The following HTR2C variants were observed in gnomAD, a reference collection of about 807,000 sequenced individuals.
HTR2C encodes the protein 5-hydroxytryptamine receptor 2C, also known as 5-hydroxytryptamine (serotonin) receptor 2C, G protein-coupled.
Under a neutral mutation model 21.0 loss-of-function variants are expected in HTR2C, and 5 were observed. That is an observed-to-expected ratio of 0.24 (90% CI 0.12 to 0.50). HTR2C has a LOEUF of 0.50. Ranked by LOEUF, HTR2C falls within the 20% of genes least tolerant of loss-of-function variation. The pLI is 0.98. For missense variants in HTR2C, 271 were observed against 371.2 expected (o/e 0.73, Z 2.22); for synonymous variants, 150 against 145.3 (o/e 1.03, Z -0.23).
intron 2 of HTR2C, among the ~76,000 whole-genome samples, chrX:114,726,539 T>TCC (rs1933494731): frequency 8.9e-6 from 1 of 112,548 alleles, no homozygotes; most frequent in South Asian, 3.7e-4. Context: ...TTGAGAAGTT[T>TCC]TTGAAGAATA....
chrX:114,803,715 G>T (rs1361105734), intron 4 of HTR2C, among the ~76,000 whole-genome samples: 3 of 104,761 alleles, frequency 2.9e-5, no homozygotes, highest in Non-Finnish European at 5.9e-5. Context: ...TTCTTTTGCT[G>T]TGCAGAAGCT....
intron 4 of HTR2C, among the ~76,000 whole-genome samples, chrX:114,745,522 T>A (rs1468674444): frequency 8.9e-6 from 1 of 112,118 alleles, no homozygotes; most frequent in African/African-American, 3.2e-5. Flanking sequence ...TGCAGCACTG[T>A]TCACAATAGC....
chrX:114,746,929 G>A (rs1014338742), intron 4 of HTR2C, among the ~76,000 whole-genome samples: 1 of 111,305 alleles, frequency 9.0e-6, no homozygotes, highest in Non-Finnish European at 1.9e-5. Flanking sequence ...AGCTTGCAGT[G>A]AGCCGAGATC....
chrX:114,642,979 A>G (rs1232532475), intron 2 of HTR2C, among the ~76,000 whole-genome samples: 2 of 111,283 alleles, frequency 1.8e-5, no homozygotes, highest in Admixed American at 9.7e-5. Flanking sequence ...AATCAAGAAA[A>G]AAATTCAACA....
intron 5 of HTR2C, among the ~76,000 whole-genome samples, chrX:114,867,662 C>A (rs782282899): frequency 5.4e-5 from 6 of 111,635 alleles, no homozygotes; most frequent in Middle Eastern, 4.6e-3. Flanking sequence ...AGTCTTTAAT[C>A]GATTTGATTT....
chrX:114,831,092 T>G (rs1276799049), intron 4 of HTR2C, among the ~76,000 whole-genome samples: 1 of 84,407 alleles, frequency 1.2e-5, no homozygotes, highest in Non-Finnish European at 2.3e-5. Flanking sequence ...TAATCCAGTC[T>G]ATCATTGTTG....
chrX:114,810,836 A>G (rs891418811), intron 4 of HTR2C, among the ~76,000 whole-genome samples: 3 of 109,627 alleles, frequency 2.7e-5, no homozygotes, highest in Admixed American at 9.9e-5. Flanking sequence ...GCTTCTATTC[A>G]GCCATCTTGC....
chrX:114,883,397 A>T (rs2071197062), intron 5 of HTR2C, among the ~76,000 whole-genome samples: 1 of 109,886 alleles, frequency 9.1e-6, no homozygotes, highest in African/African-American at 3.3e-5. Flanking sequence ...AATTTTCTGT[A>T]TTGTTTTAAT....
At chrX:114,848,707 A>G (rs782562058) in intron 5 of HTR2C, among the ~76,000 whole-genome samples, 114 of 111,046 alleles carry the variant, frequency 1.0e-3, no homozygotes, top group African/African-American at 3.5e-3. Flanking sequence ...TTGCTATGAC[A>G]CCTAAAATGT....
intron 4 of HTR2C, among the ~76,000 whole-genome samples, chrX:114,755,113 G>A (rs192437970): frequency 3.0e-4 from 33 of 110,101 alleles, no homozygotes; most frequent in African/African-American, 9.9e-4. Flanking sequence ...GGTGGCAGGC[G>A]CCTGTAATCC....
At chrX:114,765,002 TTCTC>T (rs2069932651) in intron 4 of HTR2C, among the ~76,000 whole-genome samples, 1 of 105,757 alleles carries the variant, frequency 9.5e-6, no homozygotes, top group Non-Finnish European at 1.9e-5. Context: ...CCTTCCGTCC[TTCTC>T]TCTCTCTTTC....
intron 4 of HTR2C, among the ~76,000 whole-genome samples, chrX:114,846,530 A>G (rs781926373): frequency 7.4e-4 from 83 of 112,357 alleles, no homozygotes; most frequent in African/African-American, 2.5e-3. Context: ...AATGTAATGT[A>G]TCACATTAAT....
intron 2 of HTR2C, among the ~76,000 whole-genome samples, chrX:114,701,023 G>T (rs1001107673): frequency 8.9e-6 from 1 of 112,382 alleles, no homozygotes; most frequent in Non-Finnish European, 1.9e-5. Context: ...GACCGCCATT[G>T]CCCAGGCTTG....
At chrX:114,896,243 C>T (rs1556484075) in intron 5 of HTR2C, among the ~76,000 whole-genome samples, 1 of 111,572 alleles carries the variant, frequency 9.0e-6, no homozygotes, top group Non-Finnish European at 1.9e-5. Flanking sequence ...TATAAGATTG[C>T]AGTCTTTAGA....
intron 4 of HTR2C, among the ~76,000 whole-genome samples, chrX:114,734,504 T>G (rs1477088927): frequency 1.9e-4 from 17 of 90,899 alleles, no homozygotes; most frequent in Non-Finnish European, 3.2e-4. Flanking sequence ...ATCCTCGGGG[T>G]TTCCAAAGCA....
Position 114,907,310 on chromosome X carries a change from C to A in HTR2C, c.1272C>A (p.Ile424=). ...ATCGGCATACCAATGAACCGGTGAT[C>A]GAGAAAGCCAGTGACAATGAGCCCG... ...NIYRHTNEPV[I]EKASDNEPGI... Residue 424 remains isoleucine, a synonymous_variant, in exon 6 of 6, where the codon ATC becomes ATA. Transcript: ENST00000276198. The A allele has an allele frequency of 8.3e-7, 1 of 1,210,367 alleles. No individual in the cohort carries two copies. The highest frequency in any genetic ancestry group is 1.1e-6 in the Non-Finnish European group (1 of 894,550).
chrX:114,806,625 T>C (rs1045788755), intron 4 of HTR2C, among the ~76,000 whole-genome samples: 1 of 98,130 alleles, frequency 1.0e-5, no homozygotes, highest in South Asian at 4.6e-4. Context: ...ACACCATATA[T>C]ATACCATATA....
At chrX:114,648,985 T>C (rs1418559522) in intron 2 of HTR2C, among the ~76,000 whole-genome samples, 1 of 111,629 alleles carries the variant, frequency 9.0e-6, no homozygotes, top group African/African-American at 3.3e-5. Context: ...AAGTTTACTT[T>C]TGTGATAATT....
intron 2 of HTR2C, among the ~76,000 whole-genome samples, chrX:114,635,764 C>T (rs953157907): frequency 9.9e-5 from 11 of 111,520 alleles, no homozygotes; most frequent in Non-Finnish European, 1.9e-4. Context: ...ATTGTTGTAG[C>T]CAGTTTAGAA....
Sources: gnomAD v4.1 joint callset for allele counts (sites outside exome capture counted in the v4.1 genomes callset) on GRCh38, gnomAD v4.1.1 for gene constraint, MANE v1.5 for transcripts, NCBI Gene and HGNC (gene_info 2026-07-23, HGNC 2026-07-21) for gene names.